Variants in DPYSL2 observed in about 807,000 individuals in gnomAD.
The protein encoded by DPYSL2 is dihydropyrimidinase-related protein 2.
DPYSL2 carries 13 observed loss-of-function variants against 69.9 expected under a neutral mutation model. The observed-to-expected ratio is 0.19, with a 90% CI of 0.12 to 0.30. DPYSL2 has a LOEUF of 0.30. Among genes scored for constraint, DPYSL2 ranks in the 10% least tolerant of loss-of-function variants. The pLI is 1.00. For synonymous variants in DPYSL2, 326 were observed against 359.1 expected (o/e 0.91, Z 1.04); for missense variants, 587 against 918.9 (o/e 0.64, Z 4.67).
At chr8:26,553,797 C>T (rs940432396) in intron 1 of DPYSL2, among the ~76,000 whole-genome samples, 1 of 151,866 alleles carries the variant, frequency 6.6e-6, no homozygotes, top group African/African-American at 2.4e-5. Context: ...GAGGAATGAC[C>T]ACACTACTTT....
In DPYSL2 at chr8:26,568,314, G is replaced by A. The variant is rs536535827; in HGVS notation, c.355-13655G>A. Among the ~76,000 whole-genome samples the A allele has an allele frequency of 2.6e-5, 4 of 152,240 alleles. 1 individual carries two copies. The highest frequency in any genetic ancestry group is 9.6e-5 in the African/African-American group (4 of 41,544). On this transcript the variant is annotated intron_variant, in intron 1 of 13. Coordinates refer to ENST00000521913, the MANE Select transcript of DPYSL2 (RefSeq NM_001197293.3). ...TGGTAAAGCATTGGTAAAGCATCACGTGCCATTCACCTGTGACCTCTCTTT... is the reference window on the plus strand; with the variant it reads ...TGGTAAAGCATTGGTAAAGCATCACATGCCATTCACCTGTGACCTCTCTTT...
At chr8:26,628,021 G>C in intron 7 of DPYSL2, 81 bp downstream of exon 7, 2 of 1,401,188 alleles carry the variant, frequency 1.4e-6, no homozygotes, top group Non-Finnish European at 2.0e-6. Flanking sequence ...CTTCCTGCCT[G>C]TTGAGAAGGG....
chr8:26,563,807 C>T (rs941205669), intron 1 of DPYSL2, among the ~76,000 whole-genome samples: 1 of 152,110 alleles, frequency 6.6e-6, no homozygotes, highest in African/African-American at 2.4e-5. Flanking sequence ...CTATCATATC[C>T]CTTGGCACAT....
intron 1 of DPYSL2, chr8:26,577,445 AG>A (rs1801377446): frequency 6.7e-6 from 1 of 149,262 alleles, no homozygotes; most frequent in Non-Finnish European, 1.5e-5. Context: ...CCGGCGGTGC[AG>A]TCGCGCGCTC....
chr8:26,626,813 T>C lies in DPYSL2; in HGVS notation c.855+135T>C, dbSNP rs1192065365. 1 of 893,104 alleles carries C rather than the reference T, an allele frequency of 1.1e-6. No homozygotes were observed. The highest frequency in any genetic ancestry group is 1.8e-6 in the Non-Finnish European group (1 of 570,060). 55.3% of individuals were successfully genotyped at this position (893,104 alleles called of 1,614,324 possible). A position where few individuals can be genotyped will look rare whatever the true frequency, so the allele number is the denominator to read the frequency against. ...AGTGGCTGGTGGATGCAGTTACTGATGTAACTGAGCCTTGGAAGAGAGTAT... is the reference window on the plus strand; with the variant it reads ...AGTGGCTGGTGGATGCAGTTACTGACGTAACTGAGCCTTGGAAGAGAGTAT... On this transcript the variant is annotated intron_variant, in intron 5 of 13. Transcript: ENST00000521913. This position sits in a 1 kb window ranked among gnomAD's most constrained non-coding sequence, Gnocchi z 4.3.
rs1801126373 is a variant in DPYSL2 at position 26,564,980 on chromosome 8, G to A, written c.355-16989G>A. Among the ~76,000 whole-genome samples, 1 of 152,022 alleles carries A rather than the reference G, an allele frequency of 6.6e-6. No homozygotes were observed. The highest frequency in any genetic ancestry group is 2.4e-5 in the African/African-American group (1 of 41,378). Reference sequence around the variant, plus strand: ...ATTATATCACTCTGTATGCCTTTGTGTATTCATAGCTTAGCTCCCTCTTAT... The same window carrying A: ...ATTATATCACTCTGTATGCCTTTGTATATTCATAGCTTAGCTCCCTCTTAT... On this transcript the variant is annotated intron_variant, in intron 1 of 13. Coordinates refer to ENST00000521913, the MANE Select transcript of DPYSL2 (RefSeq NM_001197293.3). This position sits in a 1 kb window ranked among gnomAD's most constrained non-coding sequence, Gnocchi z 4.8.
rs919462386 is a variant in DPYSL2, at chr8:26,593,804, G to C, written c.628+9821G>C. ...CCAGCCTGTGGCCACCTGCTGTGCT[G>C]GTTTCCCTGAGAAAACCCTACTGTC... On this transcript the variant is annotated intron_variant, in intron 3 of 13. Coordinates refer to ENST00000521913, the MANE Select transcript of DPYSL2 (RefSeq NM_001197293.3). The surrounding 1 kb of genome is among the most constrained non-coding windows in gnomAD (Gnocchi z 5.7). Among the ~76,000 whole-genome samples, 1 of 152,148 alleles carries C rather than the reference G, an allele frequency of 6.6e-6. No individual in the cohort carries two copies. The highest frequency in any genetic ancestry group is 2.4e-5 in the African/African-American group (1 of 41,428).
At chr8:26,634,972 A>T (rs1270192598) in intron 8 of DPYSL2, 72 bp downstream of exon 8, 28 of 1,588,776 alleles carry the variant, frequency 1.8e-5, no homozygotes, top group Non-Finnish European at 2.2e-5. Context: ...CTCACTAGGG[A>T]GGGCTCCTTT....
At position 26,627,917 on chromosome 8, in the gene DPYSL2, C is replaced by T. The variant is rs748521284; in HGVS notation, c.982C>T (p.His328Tyr). 6.2e-7 allele frequency: 1 copy of T among 1,613,974 alleles called. No individual in the cohort carries two copies. Among genetic ancestry groups the T allele is most frequent in the South Asian group, 1.1e-5 (1 of 91,026 alleles). The part of the protein sequence containing the change: ...LDLGITGPEG[H>Y]VLSRPEEVEA... ...TCTGGGCATCACGGGCCCCGAGGGA[C>T]ATGTGCTGAGCCGACCTGAGGAGGT... is the stretch of plus-strand genomic sequence containing the variant. The change falls in exon 7 of 14, where the codon CAT becomes TAT. Residue 328 changes from histidine (H) to tyrosine (Y), a missense_variant. By Grantham distance (83) the His-to-Tyr change is moderately conservative (BLOSUM62 2). Around this residue, in one of 3 missense-constraint regions of DPYSL2, gnomAD observed 452 missense variants for 754.3 expected, o/e 0.60. Transcript: ENST00000521913. The surrounding 1 kb of genome is among the most constrained non-coding windows in gnomAD (Gnocchi z 6.9).
chr8:26,609,479 C>G lies in DPYSL2; in HGVS notation c.629-14664C>G, dbSNP rs1287509136. ...AACGAAGTCAAACCCAGTCTTTGCA[C>G]GTGGAAGCTTGTGGCGTGACTGTTA... On this transcript the variant is annotated intron_variant, in intron 3 of 13. Coordinates refer to ENST00000521913, the MANE Select transcript of DPYSL2 (RefSeq NM_001197293.3). The surrounding 1 kb of genome is among the most constrained non-coding windows in gnomAD (Gnocchi z 6.5). Among the ~76,000 whole-genome samples, 1 of 152,174 alleles carries G rather than the reference C, an allele frequency of 6.6e-6. No individual in the cohort carries two copies. The highest frequency in any genetic ancestry group is 2.4e-5 in the African/African-American group (1 of 41,448).
chr8:26,641,660 A>G lies in DPYSL2; in HGVS notation c.1127-1779A>G, dbSNP rs1333034107. 6.6e-6 allele frequency among the ~76,000 whole-genome samples: 1 copy of G among 152,222 alleles called. No individual in the cohort carries two copies. The highest frequency in any genetic ancestry group is 1.5e-5 in the Non-Finnish European group (1 of 68,040). On this transcript the variant is annotated intron_variant, in intron 8 of 13. Coordinates refer to ENST00000521913, the MANE Select transcript of DPYSL2 (RefSeq NM_001197293.3). This position sits in a 1 kb window ranked among gnomAD's most constrained non-coding sequence, Gnocchi z 4.1. Reference sequence around the variant, plus strand: ...GAGACTTTGAGCAGGCCAGGAGCCAAGGGGACCCTCCTAGGCCTTCCGAGC... The same window carrying G: ...GAGACTTTGAGCAGGCCAGGAGCCAGGGGGACCCTCCTAGGCCTTCCGAGC...
intron 3 of DPYSL2, among the ~76,000 whole-genome samples, chr8:26,600,089 A>G (rs1009541332): frequency 6.6e-6 from 1 of 152,252 alleles, no homozygotes; most frequent in African/African-American, 2.4e-5. Context: ...ATATGTATCA[A>G]TACTTCATGA....
rs528469804 is a variant in DPYSL2, at chr8:26,625,348, T to C, written c.793+1041T>C. 1.6e-4 allele frequency among the ~76,000 whole-genome samples: 25 copies of C among 152,332 alleles called. No homozygotes were observed. In the South Asian group the frequency reaches 2.7e-3, roughly 16 times the overall value. ...TTCTCACTTTTGATCATGCGGAGACTCCAAGTGGTTTAACTGTGGATACTT... is the reference window on the plus strand; with the variant it reads ...TTCTCACTTTTGATCATGCGGAGACCCCAAGTGGTTTAACTGTGGATACTT... On this transcript the variant is annotated intron_variant, in intron 4 of 13. Transcript: ENST00000521913.
In DPYSL2 at chr8:26,562,848, C is replaced by A. The variant is rs754600417; in HGVS notation, c.355-19121C>A. On this transcript the variant is annotated intron_variant, in intron 1 of 13. Transcript: ENST00000521913. This position sits in a 1 kb window ranked among gnomAD's most constrained non-coding sequence, Gnocchi z 4.9. ...GAATGGCTTTGGGTGACTTGAACAACCGGGGTGGAGTCCTCCAGAATCTTT... is the reference window on the plus strand; with the variant it reads ...GAATGGCTTTGGGTGACTTGAACAAACGGGGTGGAGTCCTCCAGAATCTTT... Among the ~76,000 whole-genome samples, 10 of 152,162 alleles carry A rather than the reference C, an allele frequency of 6.6e-5. No individual in the cohort carries two copies. The highest frequency in any genetic ancestry group is 1.3e-4 in the Non-Finnish European group (9 of 68,034).
intron 1 of DPYSL2, among the ~76,000 whole-genome samples, chr8:26,576,432 C>A (rs1585518230): frequency 6.6e-6 from 1 of 151,920 alleles, no homozygotes; most frequent in African/African-American, 2.4e-5. Context: ...AGCAGAGAAG[C>A]CCGAGCGCTA....
intron 1 of DPYSL2, among the ~76,000 whole-genome samples, chr8:26,521,970 A>C (rs1367326499): frequency 1.3e-5 from 2 of 152,198 alleles, no homozygotes; most frequent in Non-Finnish European, 2.9e-5. Flanking sequence ...GGCTATTAGG[A>C]ATAATACTGC....
In DPYSL2 at chr8:26,642,889, G is replaced by A. The variant is rs887889722; in HGVS notation, c.1127-550G>A. ...TTCCAGGCAGTGACTCAGGGATCCA[G>A]GCTGTCTCTTGAGGATATCTGGGGG... On this transcript the variant is annotated intron_variant, in intron 8 of 13. Transcript: ENST00000521913. This position sits in a 1 kb window ranked among gnomAD's most constrained non-coding sequence, Gnocchi z 5.3. The A allele has an allele frequency of 6.6e-6, 1 of 152,310 alleles. No individual in the cohort carries two copies. The highest frequency in any genetic ancestry group is 2.4e-5 in the African/African-American group (1 of 41,446). The allele number at this position is 152,310 out of a possible 1,614,324, so 9.4% of individuals were successfully genotyped here. A position where few individuals can be genotyped will look rare whatever the true frequency, so the allele number is the denominator to read the frequency against.
chr8:26,563,059 A>G (rs1161936231), intron 1 of DPYSL2, among the ~76,000 whole-genome samples: 2 of 152,134 alleles, frequency 1.3e-5, no homozygotes, highest in African/African-American at 4.8e-5. Context: ...TGTCCTTGGA[A>G]GGCATCTCTT....
At chr8:26,558,628 T>C (rs2129654757) in intron 1 of DPYSL2, among the ~76,000 whole-genome samples, 1 of 152,354 alleles carries the variant, frequency 6.6e-6, no homozygotes, top group Non-Finnish European at 1.5e-5. Context: ...TCATCACTTG[T>C]AACATATGTA....
Sources: allele counts gnomAD v4.1 joint callset (sites outside exome capture counted in the v4.1 genomes callset), GRCh38; gene constraint gnomAD v4.1.1; regional missense constraint gnomAD v4.1.1; non-coding constraint Gnocchi (gnomAD v3.1); transcripts MANE v1.5; gene names NCBI Gene and HGNC (gene_info 2026-07-23, HGNC 2026-07-21).